SLIT2: variants seen among roughly 807,000 people sequenced by gnomAD.
SLIT2 encodes the protein slit guidance ligand 2, also known as slit homolog 2 protein.
A neutral mutation model predicts 185.7 loss-of-function variants in SLIT2; 41 were observed. The observed-to-expected ratio is 0.22, with a 90% CI of 0.17 to 0.29. The LOEUF is 0.29. Among genes scored for constraint, SLIT2 ranks in the 10% least tolerant of loss-of-function variants. The pLI, the probability that SLIT2 is intolerant of heterozygous loss-of-function variation, is 1.00. For missense variants in SLIT2, 1,571 were observed against 1,909.0 expected (o/e 0.82, Z 3.30); for synonymous variants, 693 against 680.2 (o/e 1.02, Z -0.29).
chr4:20,536,569 A>AACC (rs1722310074), intron 18 of SLIT2, among the ~76,000 whole-genome samples: 1 of 150,774 alleles, frequency 6.6e-6, no homozygotes, highest in African/African-American at 2.4e-5. Context: ...AAAAAAAAAA[A>AACC]AAAAAAAAAA....
intron 18 of SLIT2, among the ~76,000 whole-genome samples, chr4:20,534,834 C>T (rs1722124460): frequency 6.6e-6 from 1 of 152,158 alleles, no homozygotes; most frequent in Admixed American, 6.5e-5. Flanking sequence ...AAATCCCCAC[C>T]CGCAAAGCCC....
intron 4 of SLIT2, among the ~76,000 whole-genome samples, chr4:20,389,189 G>A (rs1479913788): frequency 6.6e-6 from 1 of 151,276 alleles, no homozygotes; most frequent in Non-Finnish European, 1.5e-5. Context: ...ATTGCCATTA[G>A]AGATATTATC....
chr4:20,260,138 CA>C (rs1346793977), intron 3 of SLIT2, among the ~76,000 whole-genome samples: 1 of 151,790 alleles, frequency 6.6e-6, no homozygotes, highest in East Asian at 1.9e-4. Flanking sequence ...ATAAAAACTA[CA>C]AAAACCCCAA....
chr4:20,547,099 C>T (rs911610420), intron 22 of SLIT2, among the ~76,000 whole-genome samples: 20 of 152,044 alleles, frequency 1.3e-4, no homozygotes, highest in African/African-American at 4.8e-4. Flanking sequence ...GATCACTTTC[C>T]TTGAAAGTAT....
chr4:20,542,624 G>A lies in SLIT2; in HGVS notation c.2274G>A (p.Glu758=). 6.2e-7 allele frequency: 1 copy of A among 1,613,350 alleles called. No homozygotes were observed. The highest frequency in any genetic ancestry group is 8.5e-7 in the Non-Finnish European group (1 of 1,179,602). The change falls in exon 21 of 37, where the codon GAG becomes GAA. Residue 758 remains glutamate, a splice_region_variant and synonymous_variant. Transcript: ENST00000504154. ...AAGGTATTCCAAGAGATGTCACAGA[G>A]TTGTAAGTAGAGCTTGTCTTTCTTT... ...LPKGIPRDVT[E]LYLDGNQFTL... is the part of the protein sequence containing the mutation.
chr4:20,604,002 T>A (rs147623314), intron 33 of SLIT2, among the ~76,000 whole-genome samples: 35 of 152,386 alleles, frequency 2.3e-4, no homozygotes, highest in Non-Finnish European at 2.9e-5. Context: ...TTTATTTTCC[T>A]TATCTCAGTA....
intron 5 of SLIT2, among the ~76,000 whole-genome samples, chr4:20,480,301 C>T (rs560403906): frequency 6.6e-6 from 1 of 152,236 alleles, no homozygotes; most frequent in South Asian, 2.1e-4. Flanking sequence ...TGCAGCTGGG[C>T]TTCTCTGATA....
chr4:20,448,813 T>G (rs575969292), intron 4 of SLIT2, among the ~76,000 whole-genome samples: 121 of 152,074 alleles, frequency 8.0e-4, no homozygotes, highest in African/African-American at 2.7e-3. Context: ...AATTTTTGTA[T>G]TTTTAGTAGA....
chr4:20,524,356 G>T (rs1292803522), intron 14 of SLIT2, among the ~76,000 whole-genome samples, 179 bp downstream of exon 14: 4 of 152,168 alleles, frequency 2.6e-5, no homozygotes, highest in Non-Finnish European at 1.5e-5. Context: ...ACTTCTATAT[G>T]TAACATTTTA....
intron 4 of SLIT2, among the ~76,000 whole-genome samples, chr4:20,306,587 A>G (rs1717567978): frequency 6.6e-6 from 1 of 152,136 alleles, no homozygotes; most frequent in African/African-American, 2.4e-5. Flanking sequence ...CAATAGATTT[A>G]TTTCCCGCGA....
At chr4:20,576,629 A>G (rs1388006083) in intron 29 of SLIT2, among the ~76,000 whole-genome samples, 1 of 152,216 alleles carries the variant, frequency 6.6e-6, no homozygotes, top group Non-Finnish European at 1.5e-5. Context: ...TTAAGTTGCC[A>G]TCTGTTTTTA....
chr4:20,589,703 G>A lies in SLIT2; in HGVS notation c.3148G>A (p.Asp1050Asn), dbSNP rs767065134. 88 of 1,613,650 alleles carry A rather than the reference G, an allele frequency of 5.5e-5. No individual in the cohort carries two copies. The highest frequency in any genetic ancestry group is 4.5e-4 in the Admixed American group (27 of 59,952). ...CCAGGACCTGAACCCCTGCCAGCAC[G>A]ATTCAAAGTGCATCCTAACTCCAAA... The part of the protein sequence containing the change: ...CAQDLNPCQH[D>N]SKCILTPKGF... The change falls in exon 30 of 37, where the codon GAT becomes AAT. Residue 1050 changes from aspartate (D) to asparagine (N), a missense_variant. By Grantham distance (23) the Asp-to-Asn change is conservative. Transcript: ENST00000504154.
intron 29 of SLIT2, among the ~76,000 whole-genome samples, chr4:20,578,694 C>G (rs375202581): frequency 2.0e-5 from 3 of 152,222 alleles, no homozygotes; most frequent in Admixed American, 2.0e-4. Context: ...GCAAGAGTTA[C>G]GTGTGCCAGC....
chr4:20,272,900 A>G (rs575105499), intron 4 of SLIT2, among the ~76,000 whole-genome samples: 1 of 152,042 alleles, frequency 6.6e-6, no homozygotes, highest in African/African-American at 2.4e-5. Flanking sequence ...AAATTATCTA[A>G]CATTAGGAAT....
chr4:20,261,390 A>C (rs144263627), intron 3 of SLIT2, among the ~76,000 whole-genome samples: 2 of 152,004 alleles, frequency 1.3e-5, no homozygotes, highest in African/African-American at 4.8e-5. Context: ...GTATATCTGC[A>C]ATAAATTCTC....
chr4:20,389,258 A>G (rs920734219), intron 4 of SLIT2, among the ~76,000 whole-genome samples: 4 of 151,982 alleles, frequency 2.6e-5, no homozygotes, highest in East Asian at 1.9e-4. Context: ...ATATTATTGT[A>G]ATTATTATTA....
rs555327816 is a variant in SLIT2 at position 20,619,913 on chromosome 4, T to C, written c.*904T>C. The C allele has an allele frequency of 4.4e-4, 66 of 150,012 alleles. No individual in the cohort carries two copies. Among genetic ancestry groups the C allele is most frequent in the African/African-American group, 1.5e-3 (63 of 41,022 alleles). 9.3% of individuals were successfully genotyped at this position (150,012 alleles called of 1,614,324 possible). On this transcript the variant is annotated 3_prime_UTR_variant, in exon 37 of 37. Transcript: ENST00000504154. ...TTTTCAAACTTAAAAATCAGGATTTTTTTTTTTTTTTTTTTGGCAATAGTA... is the reference window on the plus strand; with the variant it reads ...TTTTCAAACTTAAAAATCAGGATTTCTTTTTTTTTTTTTTTGGCAATAGTA...
chr4:20,490,837 GA>G, intron 8 of SLIT2: 1 of 1,506,654 alleles, frequency 6.6e-7, no homozygotes, highest in Non-Finnish European at 8.9e-7. Flanking sequence ...TTCTTTTTTA[GA>G]CCGAGGATAT....
intron 4 of SLIT2, among the ~76,000 whole-genome samples, chr4:20,457,529 T>A (rs1713212074): frequency 1.3e-5 from 2 of 152,044 alleles, no homozygotes; most frequent in Non-Finnish European, 2.9e-5. Context: ...TAAACTCTAT[T>A]GCAAGGTCTT....
Sources: allele counts gnomAD v4.1 joint callset (sites outside exome capture counted in the v4.1 genomes callset), GRCh38; gene constraint gnomAD v4.1.1; transcripts MANE v1.5; gene names NCBI Gene and HGNC (gene_info 2026-07-23, HGNC 2026-07-21).